The following BRPF3 variants were observed in gnomAD, a reference collection of about 807,000 sequenced individuals.
BRPF3 encodes bromodomain and PHD finger-containing protein 3.
In BRPF3, 18 loss-of-function variants were observed where a neutral mutation model predicts 102.0. That is an observed-to-expected ratio of 0.18 (90% CI 0.12 to 0.26). BRPF3 has a LOEUF of 0.26. Among genes scored for constraint, BRPF3 ranks in the 10% least tolerant of loss-of-function variants. The pLI is 1.00. For synonymous variants in BRPF3, 570 were observed against 614.2 expected (o/e 0.93, Z 1.06); for missense variants, 1,147 against 1,567.8 (o/e 0.73, Z 4.53).
At chr6:36,204,547 C>A in intron 2 of BRPF3, 111 bp from the exon 3 acceptor site, 1 of 1,307,678 alleles carries the variant, frequency 7.6e-7, no homozygotes, top group Non-Finnish European at 1.1e-6. Context: ...CCATTTTATT[C>A]TGTCTTCCTG....
intron 1 of BRPF3, among the ~76,000 whole-genome samples, chr6:36,199,158 A>G (rs903834621): frequency 2.6e-5 from 4 of 152,206 alleles, no homozygotes; most frequent in Non-Finnish European, 4.4e-5. Flanking sequence ...CCATACAGCA[A>G]GAGGTGAGTG....
Position 36,210,607 on chromosome 6 carries a change from G to A in BRPF3, c.2179+79G>A. On this transcript the variant is annotated intron_variant, in intron 6 of 12. Coordinates refer to ENST00000357641, the MANE Select transcript of BRPF3 (RefSeq NM_015695.3). The surrounding 1 kb of genome is among the most constrained non-coding windows in gnomAD (Gnocchi z 4.7). ...AGAGTCTACAGAGTGAGGGATCAGG[G>A]TGGTCCTTGGGGCTATAGGTAGACT... 1 of 1,399,846 alleles carries A rather than the reference G, an allele frequency of 7.1e-7. No homozygotes were observed. The highest frequency in any genetic ancestry group is 1.4e-5 in the South Asian group (1 of 72,824). The allele number at this position is 1,399,846 out of a possible 1,614,324, so 86.7% of individuals were successfully genotyped here. A position where few individuals can be genotyped will look rare whatever the true frequency, so the allele number is the denominator to read the frequency against.
chr6:36,208,615 T>G (rs1450247288), intron 4 of BRPF3, among the ~76,000 whole-genome samples: 1 of 152,220 alleles, frequency 6.6e-6, no homozygotes, highest in East Asian at 1.9e-4. Flanking sequence ...ATATTTACCA[T>G]GGATGGCCAT....
At chr6:36,218,911 C>T (rs1044013792) in intron 9 of BRPF3, among the ~76,000 whole-genome samples, 14 of 152,114 alleles carry the variant, frequency 9.2e-5, no homozygotes, top group Non-Finnish European at 1.6e-4. Context: ...TTATGGAGCC[C>T]CTGCTCTGTG....
chr6:36,216,317 A>G (rs1004050167), intron 8 of BRPF3, among the ~76,000 whole-genome samples: 1 of 152,206 alleles, frequency 6.6e-6, no homozygotes, highest in Non-Finnish European at 1.5e-5. Context: ...AGAACACTGC[A>G]TTAAAAGAAT....
intron 2 of BRPF3, among the ~76,000 whole-genome samples, chr6:36,202,790 C>T (rs1054362062): frequency 6.6e-6 from 1 of 152,186 alleles, no homozygotes; most frequent in Admixed American, 6.5e-5. Context: ...GTGACAGACC[C>T]TATACCACAA....
rs1262276167 is a variant in BRPF3 at position 36,201,232 on chromosome 6, A to T, written c.910A>T (p.Thr304Ser). 6.2e-7 allele frequency: 1 copy of T among 1,613,984 alleles called. No individual in the cohort carries two copies. The highest frequency in any genetic ancestry group is 1.1e-5 in the South Asian group (1 of 91,078). The change falls in exon 2 of 13, where the codon ACC becomes TCC. Residue 304 changes from threonine (T) to serine (S), a missense_variant. Thr to Ser is a moderately conservative substitution (Grantham distance 58). Coordinates refer to ENST00000357641, the MANE Select transcript of BRPF3 (RefSeq NM_015695.3). This position sits in a 1 kb window ranked among gnomAD's most constrained non-coding sequence, Gnocchi z 5.1. ...IWIPEVCFAN[T>S]VFLEPIEGID... ...GATCCCTGAAGTCTGCTTTGCTAAC[A>T]CCGTGTTCTTGGAACCTATTGAGGG...
At chr6:36,215,530 T>C (rs1409500018) in intron 8 of BRPF3, among the ~76,000 whole-genome samples, 1 of 152,250 alleles carries the variant, frequency 6.6e-6, no homozygotes, top group Non-Finnish European at 1.5e-5. Flanking sequence ...CAAATGAGTC[T>C]CTCAAAATGT....
Position 36,211,297 on chromosome 6 carries a change from C to A in BRPF3, c.2219C>A (p.Ser740Tyr). The change falls in exon 7 of 13, where the codon TCC (serine) becomes TAC (tyrosine). Residue 740 changes from serine (S) to tyrosine (Y), a missense_variant. Ser to Tyr is a moderately radical substitution (Grantham distance 144). Transcript: ENST00000357641. ...ATCCCAGAGAACCGGGCCCATTTGT[C>A]CCCAGAGGTGCAGCTGAAGGAGCTG... ...ILIPENRAHLSPEVQLKELLE... is the reference protein window; with the variant it reads ...ILIPENRAHLYPEVQLKELLE... 6.2e-7 allele frequency: 1 copy of A among 1,614,198 alleles called. No homozygotes were observed. The highest frequency in any genetic ancestry group is 8.5e-7 in the Non-Finnish European group (1 of 1,180,028).
chr6:36,197,910 G>C (rs561715373), intron 1 of BRPF3, among the ~76,000 whole-genome samples: 17 of 152,258 alleles, frequency 1.1e-4, no homozygotes, highest in African/African-American at 3.9e-4. Context: ...CCGAGGAGGT[G>C]GCAGGTGGGG....
rs376859078 is a variant in BRPF3 at position 36,222,182 on chromosome 6, C to A, written c.3098C>A (p.Pro1033His). 5.5e-5 allele frequency: 85 copies of A among 1,550,222 alleles called. No homozygotes were observed. The highest frequency in any genetic ancestry group is 7.1e-5 in the Non-Finnish European group (82 of 1,147,104). Residue 1033 changes from proline to histidine, a missense_variant, in exon 10 of 13, where the codon CCC (proline) becomes CAC (histidine). Pro to His is a moderately conservative substitution (Grantham distance 77, BLOSUM62 -2). Coordinates refer to ENST00000357641, the MANE Select transcript of BRPF3 (RefSeq NM_015695.3). ...AFEACSGLTP[P>H]KRSRGKPALS... ...TCTGTGTGCAGTGGTCTGACGCCCC[C>A]CAAACGCAGCCGTGGGAAGCCAGCC...
chr6:36,224,515 C>G (rs1389825630), intron 10 of BRPF3, among the ~76,000 whole-genome samples: 1 of 152,218 alleles, frequency 6.6e-6, no homozygotes, highest in South Asian at 2.1e-4. Flanking sequence ...CTGCTTAGCT[C>G]TGCTGAGTGC....
chr6:36,198,977 G>A (rs1433650820), intron 1 of BRPF3, among the ~76,000 whole-genome samples: 1 of 152,216 alleles, frequency 6.6e-6, no homozygotes, highest in Non-Finnish European at 1.5e-5. Context: ...GATCATCTTG[G>A]CCTTCGGTCG....
chr6:36,203,750 C>T (rs1479937852), intron 2 of BRPF3, among the ~76,000 whole-genome samples: 1 of 152,194 alleles, frequency 6.6e-6, no homozygotes, highest in Non-Finnish European at 1.5e-5. Context: ...TGAGGCCTTG[C>T]TTACCCTGTG....
Position 36,201,132 on chromosome 6 carries a change from C to T in BRPF3, c.810C>T (p.Ile270=). The change falls in exon 2 of 13, where the codon ATC becomes ATT. Residue 270 remains isoleucine, a synonymous_variant. Coordinates refer to ENST00000357641, the MANE Select transcript of BRPF3 (RefSeq NM_015695.3). The surrounding 1 kb of genome is among the most constrained non-coding windows in gnomAD (Gnocchi z 5.1). ...CTCCCTCCCGGCCTGTGGATTGCAT[C>T]CTTTGCCCCAATAAGGGTGGCGCCT... ...LQSPSRPVDC[I]LCPNKGGAFK... 6.2e-7 allele frequency: 1 copy of T among 1,614,158 alleles called. No homozygotes were observed. Among genetic ancestry groups the T allele is most frequent in the Non-Finnish European group, 8.5e-7 (1 of 1,180,004 alleles).
At chr6:36,205,151 G>A (rs1767862153) in intron 3 of BRPF3, among the ~76,000 whole-genome samples, 1 of 152,194 alleles carries the variant, frequency 6.6e-6, no homozygotes, top group Non-Finnish European at 1.5e-5. Flanking sequence ...ATTAGGAAAA[G>A]GTGCCCTTTC....
At position 36,218,916 on chromosome 6, in the gene BRPF3, T is replaced by A. The variant is rs146763803; in HGVS notation, c.3083+906T>A. 3.1e-3 allele frequency among the ~76,000 whole-genome samples: 476 copies of A among 152,292 alleles called. 2 individuals carry two copies. The highest frequency in any genetic ancestry group is 0.011 in the African/African-American group (450 of 41,554). ...GCACAAGAGCTTATGGAGCCCCTGC[T>A]CTGTGTTCTGTGTTCTGCAAGACAC... On this transcript the variant is annotated intron_variant, in intron 9 of 12. Transcript: ENST00000357641.
chr6:36,213,105 G>A (rs968743657), intron 7 of BRPF3, among the ~76,000 whole-genome samples: 1 of 152,202 alleles, frequency 6.6e-6, no homozygotes, highest in Non-Finnish European at 1.5e-5. Flanking sequence ...AAATAAAATC[G>A]ATTGACAGAT....
intron 1 of BRPF3, chr6:36,197,722 T>TGAGAAACTCCCGCC (rs1318927093): frequency 6.6e-6 from 1 of 151,914 alleles, no homozygotes; most frequent in African/African-American, 2.4e-5. Flanking sequence ...CTGTGTAGGT[T>TGAGAAACTCCCGCC]GAGAAACTCC....
Sources: gnomAD v4.1 joint callset for allele counts (sites outside exome capture counted in the v4.1 genomes callset) on GRCh38, gnomAD v4.1.1 for gene constraint, Gnocchi (gnomAD v3.1) non-coding constraint, MANE v1.5 for transcripts, NCBI Gene and HGNC (gene_info 2026-07-23, HGNC 2026-07-21) for gene names.